CECR2: variants seen among roughly 807,000 people sequenced by gnomAD.
CECR2 encodes the protein chromatin remodeling regulator CECR2.
Under a neutral mutation model 154.5 loss-of-function variants are expected in CECR2, and 30 were observed. The ratio of observed to expected loss-of-function variants is 0.19; its 90% CI spans 0.15 to 0.26. The LOEUF (loss-of-function observed/expected upper bound fraction) is 0.26, where lower values mean the gene tolerates loss of function less well. CECR2 is among the 10% of genes least tolerant of loss of function. CECR2 has a pLI of 1.00. For synonymous variants in CECR2, 725 were observed against 683.7 expected (o/e 1.06, Z -0.94); for missense variants, 1,743 against 1,829.3 (o/e 0.95, Z 0.86).
chr22:17,485,086 G>C (rs2055397501), intron 2 of CECR2, among the ~76,000 whole-genome samples: 1 of 152,180 alleles, frequency 6.6e-6, no homozygotes, highest in Non-Finnish European at 1.5e-5. Flanking sequence ...TCATGGAAAT[G>C]ATACTGGCCA....
intron 1 of CECR2, among the ~76,000 whole-genome samples, chr22:17,441,074 G>C (rs535686433): frequency 3.2e-4 from 48 of 152,154 alleles, no homozygotes; most frequent in African/African-American, 1.1e-3. Flanking sequence ...ACAGCCTCCA[G>C]AGTAGTTGGG....
At chr22:17,459,139 G>T (rs555020178) in intron 1 of CECR2, among the ~76,000 whole-genome samples, 5 of 152,290 alleles carry the variant, frequency 3.3e-5, no homozygotes, top group African/African-American at 1.2e-4. Flanking sequence ...AGATTCCAAA[G>T]GATTGATTTT....
intron 16 of CECR2, among the ~76,000 whole-genome samples, chr22:17,546,485 C>CAAAAAAA (rs35754406): frequency 1.5e-5 from 1 of 67,656 alleles, no homozygotes; most frequent in African/African-American, 5.2e-5. Flanking sequence ...GACTCTGTCT[C>CAAAAAAA]AAAAAAAAAA....
At chr22:17,479,894 A>T (rs1275572244) in intron 2 of CECR2, among the ~76,000 whole-genome samples, 1 of 150,354 alleles carries the variant, frequency 6.7e-6, no homozygotes, top group East Asian at 2.0e-4. Flanking sequence ...CCTCCTGAGT[A>T]GCTCAGGACA....
intron 8 of CECR2, among the ~76,000 whole-genome samples, chr22:17,516,957 C>A (rs1333658994): frequency 6.6e-6 from 1 of 151,562 alleles, no homozygotes; most frequent in Non-Finnish European, 1.5e-5. Flanking sequence ...GTCGCCCAGG[C>A]TGGAGTGCAG....
intron 1 of CECR2, among the ~76,000 whole-genome samples, chr22:17,377,184 A>G (rs73876418): frequency 0.014 from 2,117 of 152,312 alleles, 53 homozygotes; most frequent in African/African-American, 0.048. Context: ...CACATCTTAC[A>G]AATTAATTAC....
At chr22:17,495,228 A>G (rs935507367) in intron 2 of CECR2, among the ~76,000 whole-genome samples, 11 of 152,184 alleles carry the variant, frequency 7.2e-5, no homozygotes, top group South Asian at 2.1e-4. Context: ...TAAAATAACC[A>G]TCTAACAAAC....
intron 7 of CECR2, 94 bp from the exon 8 acceptor site, chr22:17,511,719 C>G: frequency 1.9e-6 from 2 of 1,077,504 alleles, no homozygotes; most frequent in South Asian, 3.0e-5. Flanking sequence ...CCTCATTGGC[C>G]ACTTTTTTAC....
In CECR2 at chr22:17,499,278, C is replaced by A. The variant is rs545588222; in HGVS notation, c.406-132C>A. 1.6e-5 allele frequency: 17 copies of A among 1,081,376 alleles called. No homozygotes were observed. The East Asian group carries it at 4.9e-4, about 31-fold the overall frequency. The allele number at this position is 1,081,376 out of a possible 1,614,324, so 67.0% of individuals were successfully genotyped here. On this transcript the variant is annotated intron_variant, in intron 3 of 18. Transcript: ENST00000262608. ...TGCTGGGATTACAGGCGTGAGCCAC[C>A]ACGCCCAGCGATACTTGGGCATTTT...
intron 2 of CECR2, among the ~76,000 whole-genome samples, chr22:17,478,070 G>T (rs2055240349): frequency 6.6e-6 from 1 of 151,850 alleles, no homozygotes; most frequent in Non-Finnish European, 1.5e-5. Flanking sequence ...TGTTTACATA[G>T]CCAGCAGCAC....
chr22:17,362,010 G>A (rs2062979994), intron 1 of CECR2, among the ~76,000 whole-genome samples: 1 of 151,944 alleles, frequency 6.6e-6, no homozygotes, highest in Admixed American at 6.6e-5. Context: ...TCCTCGCCTG[G>A]AGTCTTTAAA....
chr22:17,536,796 ATTC>A (rs1471737675), intron 9 of CECR2, among the ~76,000 whole-genome samples: 1 of 151,938 alleles, frequency 6.6e-6, no homozygotes, highest in Non-Finnish European at 1.5e-5. Context: ...TTCGACTGCC[ATTC>A]TTCTGTTTTC....
intron 8 of CECR2, among the ~76,000 whole-genome samples, chr22:17,522,207 G>C (rs1272373679): frequency 1.3e-5 from 2 of 152,136 alleles, no homozygotes; most frequent in Non-Finnish European, 2.9e-5. Context: ...TGAGTCAACT[G>C]ATACCTTATG....
rs2056773658 is a variant in CECR2, at chr22:17,556,495, C to G, written c.*3655C>G. ...GCTGGCAGATGCCATCCCAGGCCCA[C>G]AAAATCCCAGTGTTGCAGTCACCAC... is the stretch of plus-strand genomic sequence containing the variant. On this transcript the variant is annotated 3_prime_UTR_variant, in exon 19 of 19. Coordinates refer to ENST00000262608, the MANE Select transcript of CECR2 (RefSeq NM_001290047.2). 6.6e-6 allele frequency: 1 copy of G among 152,122 alleles called. No homozygotes were observed. The highest frequency in any genetic ancestry group is 6.6e-5 in the Admixed American group (1 of 15,252). 9.4% of individuals were successfully genotyped at this position (152,122 alleles called of 1,614,324 possible).
At chr22:17,551,396 GT>G (rs2056706269) in intron 17 of CECR2, among the ~76,000 whole-genome samples, 1 of 152,096 alleles carries the variant, frequency 6.6e-6, no homozygotes, top group Non-Finnish European at 1.5e-5. Flanking sequence ...TGCCGTGTCT[GT>G]TTAGTCTCTT....
intron 1 of CECR2, among the ~76,000 whole-genome samples, chr22:17,387,953 TTTG>T (rs1272915775): frequency 6.6e-5 from 10 of 151,690 alleles, no homozygotes; most frequent in African/African-American, 2.4e-4. Context: ...TTTTTTTTTG[TTTG>T]TTTTTTGTTT....
chr22:17,405,639 C>CA (rs58874516), intron 1 of CECR2, among the ~76,000 whole-genome samples: 747 of 72,204 alleles, frequency 0.01, 18 homozygotes, highest in Middle Eastern at 0.028. Context: ...GACTCCATCT[C>CA]AAAAAAAAAA....
chr22:17,397,756 C>G (rs2053834591), intron 1 of CECR2, among the ~76,000 whole-genome samples: 1 of 152,210 alleles, frequency 6.6e-6, no homozygotes, highest in African/African-American at 2.4e-5. Context: ...CTCGGCCTCC[C>G]AAAGTGCTGG....
intron 8 of CECR2, among the ~76,000 whole-genome samples, chr22:17,517,533 A>G (rs569552407): frequency 1.3e-5 from 2 of 152,246 alleles, no homozygotes; most frequent in South Asian, 2.1e-4. Context: ...AGGCATTACA[A>G]TGAATCCCAC....
Sources: gnomAD v4.1 joint callset for allele counts (sites outside exome capture counted in the v4.1 genomes callset) on GRCh38, gnomAD v4.1.1 for gene constraint, MANE v1.5 for transcripts, NCBI Gene and HGNC (gene_info 2026-07-23, HGNC 2026-07-21) for gene names.